Variants in IL1R1 observed in about 807,000 individuals in gnomAD.
IL1R1 encodes interleukin 1 receptor type 1.
IL1R1 carries 22 observed loss-of-function variants against 50.2 expected under a neutral mutation model. The ratio of observed to expected loss-of-function variants is 0.44; its 90% CI spans 0.31 to 0.63. IL1R1 has a LOEUF of 0.63. Ranked by LOEUF, IL1R1 falls within the 20% of genes least tolerant of loss-of-function variation. The probability of loss-of-function intolerance (pLI) is 0.07; values close to 1 mark genes in which losing one functional copy is unlikely to be tolerated. For missense variants in IL1R1, 509 were observed against 676.2 expected (o/e 0.75, Z 2.74); for synonymous variants, 251 against 236.7 (o/e 1.06, Z -0.55).
At chr2:102,160,324 T>A (rs1684603259) in intron 3 of IL1R1, among the ~76,000 whole-genome samples, 2 of 152,184 alleles carry the variant, frequency 1.3e-5, no homozygotes, top group Non-Finnish European at 2.9e-5. Flanking sequence ...TGTGAAAGAA[T>A]CTGCTTTTGG....
chr2:102,085,436 A>G (rs1454258608), intron 1 of IL1R1, among the ~76,000 whole-genome samples: 1 of 152,302 alleles, frequency 6.6e-6, no homozygotes, highest in East Asian at 1.9e-4. Flanking sequence ...TCTCCATTTG[A>G]CTATCCAAAT....
At chr2:102,122,406 C>T (rs1462937376) in intron 1 of IL1R1, among the ~76,000 whole-genome samples, 1 of 152,170 alleles carries the variant, frequency 6.6e-6, no homozygotes, top group Non-Finnish European at 1.5e-5. Context: ...TTCTCTCTCT[C>T]TCCCTGTCTC....
intron 11 of IL1R1, chr2:102,175,870 A>T: frequency 1.6e-6 from 1 of 606,632 alleles, no homozygotes; most frequent in South Asian, 2.0e-5. Context: ...TGAAAAACTT[A>T]ATGACTAGTT....
At chr2:102,139,019 C>T (rs1003684314), upstream of IL1R1, among the ~76,000 whole-genome samples, 7 of 152,160 alleles carry the variant, frequency 4.6e-5, no homozygotes, top group Non-Finnish European at 1.0e-4. Flanking sequence ...ACAATCTCTT[C>T]AGAATTCTTT....
upstream of IL1R1, among the ~76,000 whole-genome samples, chr2:102,102,337 C>A (rs1322386275): frequency 6.6e-6 from 1 of 152,090 alleles, no homozygotes; most frequent in Non-Finnish European, 1.5e-5. Context: ...TCCACCTGGG[C>A]TCTACCCCTG....
intron 1 of IL1R1, among the ~76,000 whole-genome samples, chr2:102,151,909 A>G (rs1683696708): frequency 6.6e-6 from 1 of 152,204 alleles, no homozygotes; most frequent in East Asian, 1.9e-4. Flanking sequence ...CGCTGGACAC[A>G]GAGCCAGCTG....
intron 2 of IL1R1, among the ~76,000 whole-genome samples, chr2:102,156,517 C>CTTTTT (rs201323264): frequency 6.9e-6 from 1 of 145,934 alleles, no homozygotes. Flanking sequence ...ACCTATACAC[C>CTTTTT]TTTTTTTTTT....
At chr2:102,127,657 CTGTGTGTGTGTGTGTGTG>C (rs60587758) in intron 1 of IL1R1, among the ~76,000 whole-genome samples, 429 of 144,954 alleles carry the variant, frequency 3.0e-3, no homozygotes, top group Non-Finnish European at 4.9e-3. Context: ...GTGTGTGTGA[CTGTGTGTGTGTGTGTGTG>C]TGTGTGTGTG....
intron 2 of IL1R1, among the ~76,000 whole-genome samples, chr2:102,156,524 T>A (rs369512922): frequency 3.3e-5 from 5 of 152,218 alleles, no homozygotes; most frequent in Admixed American, 1.3e-4. Context: ...CACCTTTTTT[T>A]TTTTTGAGAT....
chr2:102,125,600 G>A (rs546416577), intron 1 of IL1R1, among the ~76,000 whole-genome samples: 1 of 152,202 alleles, frequency 6.6e-6, no homozygotes, highest in African/African-American at 2.4e-5. Context: ...AGAAAGTTGG[G>A]CCTTGTTAGG....
upstream of IL1R1, among the ~76,000 whole-genome samples, chr2:102,140,419 T>C (rs1161427027): frequency 6.6e-6 from 1 of 152,100 alleles, no homozygotes; most frequent in East Asian, 1.9e-4. Context: ...GGGGACAGGG[T>C]CTCAGTTAAG....
chr2:102,113,021 C>G (rs76429362), intron 1 of IL1R1, among the ~76,000 whole-genome samples: 1 of 152,114 alleles, frequency 6.6e-6, no homozygotes. Flanking sequence ...CACCAGACAC[C>G]GGATCTGTCA....
intron 2 of IL1R1, among the ~76,000 whole-genome samples, chr2:102,154,491 C>A (rs947789771): frequency 6.6e-5 from 10 of 152,156 alleles, no homozygotes; most frequent in Non-Finnish European, 1.2e-4. Flanking sequence ...CTGAACCTGC[C>A]CCCCAACCTG....
At chr2:102,072,207 C>T (rs1678756199) in intron 1 of IL1R1, among the ~76,000 whole-genome samples, 2 of 151,410 alleles carry the variant, frequency 1.3e-5, no homozygotes, top group Admixed American at 6.6e-5. Context: ...TTGCAGTGAG[C>T]CGAGATTGTG....
intron 8 of IL1R1, chr2:102,172,395 T>C: frequency 1.0e-6 from 1 of 985,388 alleles, no homozygotes; most frequent in Non-Finnish European, 1.2e-6. Flanking sequence ...TCTTGTTTAG[T>C]GTCTCCTCTG....
intron 7 of IL1R1, among the ~76,000 whole-genome samples, chr2:102,169,976 C>T (rs1396628689): frequency 6.6e-6 from 1 of 152,180 alleles, no homozygotes; most frequent in African/African-American, 2.4e-5. Context: ...CTTGCCTCTT[C>T]CCCAAGAACC....
chr2:102,114,013 A>T (rs1680924978), intron 1 of IL1R1, among the ~76,000 whole-genome samples: 1 of 152,196 alleles, frequency 6.6e-6, no homozygotes, highest in Admixed American at 6.5e-5. Context: ...GGGAAACACT[A>T]GTTTATGGAA....
At chr2:102,160,727 A>G (rs576490196) in intron 3 of IL1R1, among the ~76,000 whole-genome samples, 13 of 152,342 alleles carry the variant, frequency 8.5e-5, no homozygotes, top group African/African-American at 3.1e-4. Flanking sequence ...AAATGGGCCA[A>G]TCTGAAACTG....
Position 102,172,669 on chromosome 2 carries a change from A to ACT in IL1R1, c.840-8_840-7dup. 3.2e-6 allele frequency: 5 copies of ACT among 1,579,580 alleles called. No homozygotes were observed. Among genetic ancestry groups the ACT allele is most frequent in the Non-Finnish European group, 4.3e-6 (5 of 1,159,962 alleles). ...GCAATTAACTTACACAAGTTTATTTACTCTCTCTCTCGAATAGTGTGGAAA... is the reference window on the plus strand; with the variant it reads ...GCAATTAACTTACACAAGTTTATTTACTCTCTCTCTCTCGAATAGTGTGGAAA... On this transcript the variant is annotated splice_polypyrimidine_tract_variant and intron_variant, in intron 8 of 11. Transcript: ENST00000410023.
Sources: allele counts gnomAD v4.1 joint callset (sites outside exome capture counted in the v4.1 genomes callset), GRCh38; gene constraint gnomAD v4.1.1; transcripts MANE v1.5; gene names NCBI Gene and HGNC (gene_info 2026-07-23, HGNC 2026-07-21).